Variants in ROCK1 observed in about 807,000 individuals in gnomAD.
The protein encoded by ROCK1 is Rho associated coiled-coil containing protein kinase 1, also known as rho-associated protein kinase 1.
In ROCK1, 36 loss-of-function variants were observed where a neutral mutation model predicts 196.8. The ratio of observed to expected loss-of-function variants is 0.18; its 90% CI spans 0.14 to 0.24. The LOEUF (loss-of-function observed/expected upper bound fraction) is 0.24, where lower values mean the gene tolerates loss of function less well. Ranked by LOEUF, ROCK1 falls within the 10% of genes least tolerant of loss-of-function variation. ROCK1 has a pLI of 1.00. For synonymous variants in ROCK1, 443 were observed against 515.9 expected (o/e 0.86, Z 1.91); for missense variants, 920 against 1,562.0 (o/e 0.59, Z 6.93).
chr18:20,958,627 G>A (rs1409909391), intron 29 of ROCK1, among the ~76,000 whole-genome samples: 1 of 150,904 alleles, frequency 6.6e-6, no homozygotes, highest in Non-Finnish European at 1.5e-5. Flanking sequence ...CTACACAGTT[G>A]TTCTTTTATA....
At chr18:20,959,272 C>A (rs1411196219) in intron 29 of ROCK1, among the ~76,000 whole-genome samples, 2 of 124,826 alleles carry the variant, frequency 1.6e-5, no homozygotes, top group Non-Finnish European at 3.3e-5. Context: ...AGTGCAGTGG[C>A]GCAATCTAGG....
At chr18:21,092,580 T>TAAAAAAAAAAAAAAA (rs35799573) in intron 1 of ROCK1, among the ~76,000 whole-genome samples, 25 of 81,106 alleles carry the variant, frequency 3.1e-4, no homozygotes, top group Non-Finnish European at 4.5e-4. Flanking sequence ...ACCTCATCTT[T>TAAAAAAAAAAAAAAA]AAAAAAAAAA....
chr18:21,101,727 G>T (rs1248987702), intron 1 of ROCK1, among the ~76,000 whole-genome samples: 1 of 152,092 alleles, frequency 6.6e-6, no homozygotes, highest in African/African-American at 2.4e-5. Flanking sequence ...TTGGACTTTG[G>T]ATCCAGATTC....
chr18:20,984,297 G>A, intron 20 of ROCK1, 54 bp downstream of exon 20: 1 of 1,321,996 alleles, frequency 7.6e-7, no homozygotes, highest in Non-Finnish European at 1.1e-6. Flanking sequence ...AAACACACAA[G>A]TCAATGATGA....
intron 1 of ROCK1, among the ~76,000 whole-genome samples, chr18:21,075,108 G>A (rs1428079682): frequency 6.6e-6 from 1 of 152,300 alleles, no homozygotes; most frequent in African/African-American, 2.4e-5. Context: ...TGGAACCACA[G>A]GAATTTCTGC....
At chr18:20,956,765 T>C (rs2035245866) in intron 29 of ROCK1, among the ~76,000 whole-genome samples, 1 of 152,136 alleles carries the variant, frequency 6.6e-6, no homozygotes, top group Non-Finnish European at 1.5e-5. Context: ...GGGAAATATT[T>C]GCATTACATA....
chr18:21,097,944 T>C (rs2036625488), intron 1 of ROCK1, among the ~76,000 whole-genome samples: 1 of 152,254 alleles, frequency 6.6e-6, no homozygotes, highest in African/African-American at 2.4e-5. Context: ...GTTCTGCTGG[T>C]GTCATGTAAT....
intron 27 of ROCK1, among the ~76,000 whole-genome samples, chr18:20,963,425 AAATT>A (rs1374104429): frequency 2.6e-5 from 4 of 152,138 alleles, no homozygotes; most frequent in South Asian, 4.1e-4. Flanking sequence ...ATAAAAAAGA[AAATT>A]AATTAATACT....
At chr18:21,099,286 A>G (rs2036637494) in intron 1 of ROCK1, among the ~76,000 whole-genome samples, 1 of 152,248 alleles carries the variant, frequency 6.6e-6, no homozygotes, top group Non-Finnish European at 1.5e-5. Context: ...ATCTATGTAT[A>G]TATCTATGTA....
At chr18:21,073,831 T>C (rs73433119) in intron 1 of ROCK1, among the ~76,000 whole-genome samples, 2,555 of 152,176 alleles carry the variant, frequency 0.017, 65 homozygotes, top group African/African-American at 0.059. Flanking sequence ...AAAATGTTTT[T>C]GGTATATGTA....
chr18:21,057,269 A>T (rs755166245), intron 2 of ROCK1, among the ~76,000 whole-genome samples: 12 of 152,166 alleles, frequency 7.9e-5, no homozygotes, highest in Non-Finnish European at 1.2e-4. Flanking sequence ...CTACTATGCA[A>T]CATATTCAGC....
chr18:21,081,457 A>C (rs2143570273), intron 1 of ROCK1, among the ~76,000 whole-genome samples: 1 of 152,224 alleles, frequency 6.6e-6, no homozygotes, highest in South Asian at 2.1e-4. Flanking sequence ...TAATACTATA[A>C]GGAACTAGAA....
chr18:21,057,362 G>A (rs557640162), intron 2 of ROCK1, among the ~76,000 whole-genome samples: 1 of 152,280 alleles, frequency 6.6e-6, no homozygotes, highest in Admixed American at 6.5e-5. Flanking sequence ...AGAGCTAGTC[G>A]TTTAGAGTTA....
chr18:20,959,046 TAATA>T (rs1233654025), intron 29 of ROCK1, among the ~76,000 whole-genome samples: 4 of 50,584 alleles, frequency 7.9e-5, no homozygotes, highest in Non-Finnish European at 8.8e-5. Context: ...ATATAATATA[TAATA>T]TATATATTAT....
At chr18:20,975,655 G>A (rs1028577169) in intron 22 of ROCK1, among the ~76,000 whole-genome samples, 3 of 152,034 alleles carry the variant, frequency 2.0e-5, no homozygotes, top group African/African-American at 7.2e-5. Flanking sequence ...CTGTTGCCCA[G>A]GATGGAGTGC....
intron 1 of ROCK1, among the ~76,000 whole-genome samples, chr18:21,077,032 G>C (rs1414800270): frequency 7.4e-5 from 11 of 149,382 alleles, no homozygotes; most frequent in African/African-American, 2.7e-4. Context: ...GGACTGCAGT[G>C]GCGCAATCTC....
chr18:21,060,210 T>G (rs867967345), intron 2 of ROCK1, among the ~76,000 whole-genome samples: 1 of 152,336 alleles, frequency 6.6e-6, no homozygotes, highest in Middle Eastern at 3.4e-3. Context: ...AAATGATAAC[T>G]TAATAAAGTT....
At chr18:21,006,299 T>C (rs1598525263) in intron 16 of ROCK1, 52 bp downstream of exon 16, 1 of 1,412,998 alleles carries the variant, frequency 7.1e-7, no homozygotes, top group East Asian at 2.4e-5. Flanking sequence ...GTTAAAATGT[T>C]ATAATAAATT....
At chr18:20,951,467 G>A (rs2035187155) in intron 32 of ROCK1, 80 bp from the exon 33 acceptor site, 9 of 1,106,088 alleles carry the variant, frequency 8.1e-6, no homozygotes, top group Non-Finnish European at 1.3e-6. Context: ...AGGAGGAAAG[G>A]TAAATATACA....
Sources: allele counts gnomAD v4.1 joint callset (sites outside exome capture counted in the v4.1 genomes callset), GRCh38; gene constraint gnomAD v4.1.1; transcripts MANE v1.5; gene names NCBI Gene and HGNC (gene_info 2026-07-23, HGNC 2026-07-21).